The following P2RY10 variants were observed in gnomAD, a reference collection of about 807,000 sequenced individuals.
P2RY10 encodes putative P2Y purinoceptor 10.
In P2RY10, 4 loss-of-function variants were observed where a neutral mutation model predicts 12.1. The ratio of observed to expected loss-of-function variants is 0.33; its 90% CI spans 0.16 to 0.76. The LOEUF is 0.76. Among genes scored for constraint, P2RY10 ranks in the 30% least tolerant of loss-of-function variants. The probability of loss-of-function intolerance (pLI) is 0.61; values close to 1 mark genes in which losing one functional copy is unlikely to be tolerated. For missense variants in P2RY10, 233 were observed against 264.6 expected (o/e 0.88, Z 0.83); for synonymous variants, 112 against 94.1 (o/e 1.19, Z -1.10).
At chrX:78,960,373 T>C (rs1922547453) in intron 3 of P2RY10, 135 bp from the exon 4 acceptor site, 2 of 511,879 alleles carry the variant, frequency 3.9e-6, no homozygotes, top group South Asian at 6.8e-5. Context: ...TCCTTGAGCC[T>C]CTAATTCTTT....
chrX:78,948,850 A>T (rs1177086902), intron 2 of P2RY10, among the ~76,000 whole-genome samples: 1 of 111,758 alleles, frequency 8.9e-6, no homozygotes, highest in Non-Finnish European at 1.9e-5. Context: ...CACCACATTT[A>T]CTTTATCCAC....
chrX:78,949,538 C>T (rs1264772559), intron 2 of P2RY10, among the ~76,000 whole-genome samples: 2 of 111,926 alleles, frequency 1.8e-5, no homozygotes, highest in Non-Finnish European at 3.8e-5. Flanking sequence ...TATTTCCACC[C>T]ATAAAATGCT....
In P2RY10 at chrX:78,946,935, C is replaced by A. The variant is rs747831150; in HGVS notation, c.-205-880C>A. On this transcript the variant is annotated intron_variant, in intron 1 of 3. Transcript: ENST00000171757. ...GGGTTTTAAAAGACAGGCCAGCCTGCTGGGCTTGGTGGCTCACGCTGTAAT... is the reference window on the plus strand; with the variant it reads ...GGGTTTTAAAAGACAGGCCAGCCTGATGGGCTTGGTGGCTCACGCTGTAAT... 1.3e-4 allele frequency among the ~76,000 whole-genome samples: 15 copies of A among 112,103 alleles called. No individual in the cohort carries two copies. In the South Asian group the frequency reaches 4.9e-3, roughly 36 times the overall value.
chrX:78,961,134 C>A lies in P2RY10; in HGVS notation c.614C>A (p.Ala205Glu). 1 of 1,211,210 alleles carries A rather than the reference C, an allele frequency of 8.3e-7. No homozygotes were observed. The highest frequency in any genetic ancestry group is 1.1e-6 in the Non-Finnish European group (1 of 895,179). Residue 205 changes from alanine (A) to glutamate (E), a missense_variant, in exon 4 of 4, where the codon GCA (alanine) becomes GAA (glutamate). Ala to Glu is a moderately radical substitution (Grantham distance 107). Coordinates refer to ENST00000171757, the MANE Select transcript of P2RY10 (RefSeq NM_014499.4). ...GGGATGATTACAGTTGCTGAGCTTG[C>A]AGGATTTGTGATCCCAGTGATCATC... ...LVGMITVAEL[A>E]GFVIPVIIIA...
At chrX:78,958,313 C>T (rs924281106) in intron 3 of P2RY10, among the ~76,000 whole-genome samples, 3 of 112,409 alleles carry the variant, frequency 2.7e-5, no homozygotes, top group African/African-American at 6.5e-5. Flanking sequence ...TGAAGTAACA[C>T]AGGAGTAGAA....
Position 78,960,812 on chromosome X carries a change from C to A in P2RY10, c.292C>A (p.His98Asn). The A allele has an allele frequency of 8.3e-7, 1 of 1,211,168 alleles. No individual in the cohort carries two copies. Among genetic ancestry groups the A allele is most frequent in the Non-Finnish European group, 1.1e-6 (1 of 894,844 alleles). ...PLRIYYYISH[H>N]WPFQRALCLL... is the part of the protein sequence containing the mutation. Reference sequence around the variant, plus strand: ...CCGGATTTACTATTACATCAGCCACCACTGGCCTTTCCAGAGAGCCCTTTG... The same window carrying A: ...CCGGATTTACTATTACATCAGCCACAACTGGCCTTTCCAGAGAGCCCTTTG... The change falls in exon 4 of 4, where the codon CAC becomes AAC. Residue 98 changes from histidine (H) to asparagine (N), a missense_variant. Coordinates refer to ENST00000171757, the MANE Select transcript of P2RY10 (RefSeq NM_014499.4).
In P2RY10 at chrX:78,961,525, A is replaced by G. The variant is rs956706401; in HGVS notation, c.1005A>G (p.Ser335=). ...RSRLMSKESG[S]SMIG ...GCCTCATGAGCAAGGAGAGTGGTTC[A>G]TCAATGATTGGCTAAAATTAAGATA... is the stretch of plus-strand genomic sequence containing the variant. The change falls in exon 4 of 4, where the codon TCA becomes TCG. Residue 335 remains serine, a synonymous_variant. Transcript: ENST00000171757. 2 of 1,186,344 alleles carry G rather than the reference A, an allele frequency of 1.7e-6. No individual in the cohort carries two copies. The highest frequency in any genetic ancestry group is 2.3e-6 in the Non-Finnish European group (2 of 879,710).
chrX:78,945,581 G>A (rs181907806), intron 1 of P2RY10, 86 bp downstream of exon 1: 14 of 112,055 alleles, frequency 1.2e-4, no homozygotes, highest in Non-Finnish European at 2.6e-4. Flanking sequence ...AGGTGGATGT[G>A]GGGCCAGTGT....
chrX:78,959,007 G>T, intron 3 of P2RY10, among the ~76,000 whole-genome samples: 1 of 103,906 alleles, frequency 9.6e-6, no homozygotes. Context: ...CTAAAACCAG[G>T]TTACTTCTTT....
intron 3 of P2RY10, among the ~76,000 whole-genome samples, chrX:78,955,903 T>C (rs1030311692): frequency 5.4e-5 from 6 of 111,671 alleles, no homozygotes; most frequent in African/African-American, 2.0e-4. Flanking sequence ...TGATTGAGTG[T>C]GGGCTTTAAA....
rs1397941051 is a variant in P2RY10 at position 78,963,222 on chromosome X, GA to G, written c.*1683del. Among the ~76,000 whole-genome samples the G allele has an allele frequency of 1.8e-5, 2 of 111,969 alleles. No individual in the cohort carries two copies. The highest frequency in any genetic ancestry group is 3.8e-5 in the Non-Finnish European group (2 of 53,184). On this transcript the variant is annotated 3_prime_UTR_variant, in exon 4 of 4. Coordinates refer to ENST00000171757, the MANE Select transcript of P2RY10 (RefSeq NM_014499.4). The stretch of plus-strand genomic sequence containing the variant: ...AGTTCTGAGAATATTCATTTGAACA[GA>G]GTGACTATGGAAGAATGAATAGCAA...
At chrX:78,960,363 T>C in intron 3 of P2RY10, 145 bp from the exon 4 acceptor site, 1 of 491,782 alleles carries the variant, frequency 2.0e-6, no homozygotes. Flanking sequence ...TACTATATTT[T>C]CCTTGAGCCT....
At position 78,963,614 on chromosome X, in the gene P2RY10, C is replaced by G. The variant is rs1922740846; in HGVS notation, c.*2074C>G. Among the ~76,000 whole-genome samples, 1 of 112,394 alleles carries G rather than the reference C, an allele frequency of 8.9e-6. No individual in the cohort carries two copies. The highest frequency in any genetic ancestry group is 1.9e-5 in the Non-Finnish European group (1 of 53,262). On this transcript the variant is annotated 3_prime_UTR_variant, in exon 4 of 4. Transcript: ENST00000171757. ...AATAGTTGGCAAATTAAACAACATGCTTTTTATTTTGACTACCATTTAAGT... is the reference window on the plus strand; with the variant it reads ...AATAGTTGGCAAATTAAACAACATGGTTTTTATTTTGACTACCATTTAAGT...
intron 3 of P2RY10, among the ~76,000 whole-genome samples, chrX:78,958,915 C>A: frequency 8.9e-6 from 1 of 112,120 alleles, no homozygotes; most frequent in Non-Finnish European, 1.9e-5. Context: ...TCACTTGAGG[C>A]TCTGTTTTTG....
chrX:78,949,480 C>T (rs1922007863), intron 2 of P2RY10, among the ~76,000 whole-genome samples: 1 of 111,773 alleles, frequency 8.9e-6, no homozygotes, highest in South Asian at 3.7e-4. Flanking sequence ...GGCCAGAGAA[C>T]CGACAATTGA....
At position 78,960,628 on chromosome X, in the gene P2RY10, C is replaced by G. The variant is rs1922564672; in HGVS notation, c.108C>G (p.Leu36=). Reference sequence around the variant, plus strand: ...CTAATGTGAAATTTCAATACTCCCTCTATGCAACCACCTATATCCTCATAT... The same window carrying G: ...CTAATGTGAAATTTCAATACTCCCTGTATGCAACCACCTATATCCTCATAT... ...NVTNVKFQYS[L]YATTYILIFI... Residue 36 remains leucine (L), a synonymous_variant, in exon 4 of 4, where the codon CTC becomes CTG. Transcript: ENST00000171757. The G allele has an allele frequency of 8.3e-7, 1 of 1,208,728 alleles. No homozygotes were observed. Among genetic ancestry groups the G allele is most frequent in the Non-Finnish European group, 1.1e-6 (1 of 894,120 alleles).
chrX:78,948,048 C>T (rs933012935), intron 2 of P2RY10, among the ~76,000 whole-genome samples, 185 bp downstream of exon 2: 1 of 111,886 alleles, frequency 8.9e-6, no homozygotes, highest in Non-Finnish European at 1.9e-5. Flanking sequence ...TCCTAGGGAC[C>T]AGACCCTGGA....
At chrX:78,958,249 C>T (rs1050180517) in intron 3 of P2RY10, among the ~76,000 whole-genome samples, 2 of 112,630 alleles carry the variant, frequency 1.8e-5, no homozygotes, top group African/African-American at 3.2e-5. Flanking sequence ...ACAGTGAAAT[C>T]GAAATAATGT....
At position 78,946,132 on chromosome X, in the gene P2RY10, CAT is replaced by C. The variant is rs373062849; in HGVS notation, c.-206+638_-206+639del. 2.0e-3 allele frequency among the ~76,000 whole-genome samples: 219 copies of C among 111,375 alleles called. 2 individuals carry two copies. Among genetic ancestry groups the C allele is most frequent in the African/African-American group, 7.0e-3 (213 of 30,636 alleles). ...GATCTAGGACCTGTGTCTTTAAACTCATGTTTGCCTTTTCCTACAGCAGTTTG... is the reference window on the plus strand; with the variant it reads ...GATCTAGGACCTGTGTCTTTAAACTCGTTTGCCTTTTCCTACAGCAGTTTG... On this transcript the variant is annotated intron_variant, in intron 1 of 3. Transcript: ENST00000171757.
Sources: allele counts gnomAD v4.1 joint callset (sites outside exome capture counted in the v4.1 genomes callset), GRCh38; gene constraint gnomAD v4.1.1; transcripts MANE v1.5; gene names NCBI Gene and HGNC (gene_info 2026-07-23, HGNC 2026-07-21).